Variants in CACNG3 observed in about 807,000 individuals in gnomAD.
CACNG3 encodes voltage-dependent calcium channel gamma-3 subunit.
Under a neutral mutation model 28.5 loss-of-function variants are expected in CACNG3, and 3 were observed. The observed-to-expected ratio is 0.11, with a 90% CI of 0.05 to 0.27. The LOEUF (loss-of-function observed/expected upper bound fraction) is 0.27. CACNG3 is among the 10% of genes least tolerant of loss of function. The probability of loss-of-function intolerance (pLI) is 1.00; values close to 1 mark genes in which losing one functional copy is unlikely to be tolerated. For synonymous variants in CACNG3, 174 were observed against 162.2 expected, an observed-to-expected ratio of 1.07 and a Z score of -0.55; for missense variants, 236 against 414.4, an observed-to-expected ratio of 0.57 and a Z score of 3.74.
chr16:24,257,373 GA>G (rs1898476221), intron 1 of CACNG3, among the ~76,000 whole-genome samples: 1 of 19,358 alleles, frequency 5.2e-5, no homozygotes, highest in Non-Finnish European at 1.1e-4. Flanking sequence ...AGGGGGGAGA[GA>G]GAGAGAGAGA....
chr16:24,303,305 C>A (rs1382719517), intron 1 of CACNG3, among the ~76,000 whole-genome samples: 2 of 152,098 alleles, frequency 1.3e-5, no homozygotes, highest in African/African-American at 4.8e-5. Flanking sequence ...AAGGTCTTCT[C>A]ATGGTTGGCT....
chr16:24,307,916 G>T (rs1450788422), intron 1 of CACNG3, among the ~76,000 whole-genome samples: 1 of 152,164 alleles, frequency 6.6e-6, no homozygotes, highest in Non-Finnish European at 1.5e-5. Flanking sequence ...CCCAAGATGA[G>T]GTGGGCTGGG....
chr16:24,280,158 C>G (rs1898805662), intron 1 of CACNG3, among the ~76,000 whole-genome samples: 3 of 152,214 alleles, frequency 2.0e-5, no homozygotes, highest in African/African-American at 4.8e-5. Flanking sequence ...TAATTAGGCA[C>G]AGATAGAGTT....
intron 1 of CACNG3, among the ~76,000 whole-genome samples, chr16:24,300,296 CT>C (rs985124141): frequency 3.3e-5 from 5 of 152,124 alleles, no homozygotes; most frequent in Non-Finnish European, 7.3e-5. Flanking sequence ...GCTCTCGAAT[CT>C]GTACACAGGG....
intron 1 of CACNG3, among the ~76,000 whole-genome samples, chr16:24,342,304 A>C (rs1356740018): frequency 6.6e-6 from 1 of 152,222 alleles, no homozygotes; most frequent in African/African-American, 2.4e-5. Context: ...AAAATGCAGA[A>C]GCTTACTTAA....
intron 1 of CACNG3, among the ~76,000 whole-genome samples, chr16:24,269,411 G>A (rs1325509139): frequency 6.6e-6 from 1 of 152,050 alleles, no homozygotes; most frequent in East Asian, 1.9e-4. Context: ...AGCCTCAATT[G>A]TTTACAATTC....
At chr16:24,349,763 G>C (rs555814376) in intron 2 of CACNG3, among the ~76,000 whole-genome samples, 2 of 152,268 alleles carry the variant, frequency 1.3e-5, no homozygotes, top group Non-Finnish European at 2.9e-5. Context: ...TTTGTGACCT[G>C]TATCTTGTGT....
intron 1 of CACNG3, among the ~76,000 whole-genome samples, chr16:24,317,829 C>T (rs184951981): frequency 2.6e-5 from 4 of 152,336 alleles, no homozygotes; most frequent in Admixed American, 2.6e-4. Context: ...CTGACCCCCA[C>T]TCCTAGGGAT....
chr16:24,314,253 A>C (rs1899315864), intron 1 of CACNG3, among the ~76,000 whole-genome samples: 1 of 152,202 alleles, frequency 6.6e-6, no homozygotes, highest in Non-Finnish European at 1.5e-5. Flanking sequence ...TTGGTTCAAA[A>C]AAGTGTTAAG....
chr16:24,304,766 T>G (rs1221361666), intron 1 of CACNG3, among the ~76,000 whole-genome samples: 1 of 152,158 alleles, frequency 6.6e-6, no homozygotes, highest in African/African-American at 2.4e-5. Flanking sequence ...CTCACCATGT[T>G]GCCCAGGCTG....
intron 1 of CACNG3, among the ~76,000 whole-genome samples, chr16:24,284,485 T>G (rs937102019): frequency 2.0e-5 from 3 of 152,196 alleles, no homozygotes; most frequent in Admixed American, 1.3e-4. Flanking sequence ...TTCATTTTAT[T>G]CCAAATCTGT....
At chr16:24,307,902 A>G (rs1418923569) in intron 1 of CACNG3, among the ~76,000 whole-genome samples, 1 of 152,140 alleles carries the variant, frequency 6.6e-6, no homozygotes, top group Non-Finnish European at 1.5e-5. Flanking sequence ...GGTTGGTGGT[A>G]TCTCCCAAGA....
Position 24,287,465 on chromosome 16 carries a change from C to T in CACNG3, c.211+30500C>T, listed in dbSNP as rs373322173. 1.2e-3 allele frequency among the ~76,000 whole-genome samples: 177 copies of T among 147,694 alleles called. 6 individuals carry two copies. In the South Asian group the frequency reaches 0.037, roughly 31 times the overall value. Reference sequence around the variant, plus strand: ...CCCAAGAGGCGGAGGTTGCAGTGAGCCGAGATCAAGCCACTGCACTCCAGC... The same window carrying T: ...CCCAAGAGGCGGAGGTTGCAGTGAGTCGAGATCAAGCCACTGCACTCCAGC... On this transcript the variant is annotated intron_variant, in intron 1 of 3. Coordinates refer to ENST00000005284, the MANE Select transcript of CACNG3 (RefSeq NM_006539.4).
intron 1 of CACNG3, among the ~76,000 whole-genome samples, chr16:24,259,222 A>G (rs930524663): frequency 6.6e-6 from 1 of 152,240 alleles, no homozygotes; most frequent in Non-Finnish European, 1.5e-5. Flanking sequence ...ACAAATCACA[A>G]TGAATCACAA....
intron 3 of CACNG3, among the ~76,000 whole-genome samples, chr16:24,355,457 C>G (rs913658098): frequency 6.6e-6 from 1 of 152,078 alleles, no homozygotes; most frequent in South Asian, 2.1e-4. Flanking sequence ...GTGGTGCACA[C>G]CTGTGGTCCC....
At chr16:24,272,999 C>T (rs1348703363) in intron 1 of CACNG3, among the ~76,000 whole-genome samples, 1 of 152,080 alleles carries the variant, frequency 6.6e-6, no homozygotes, top group Admixed American at 6.6e-5. Flanking sequence ...CTTCTCCCAC[C>T]CTCTACCCTC....
At chr16:24,286,782 T>A (rs1898901311) in intron 1 of CACNG3, among the ~76,000 whole-genome samples, 1 of 152,200 alleles carries the variant, frequency 6.6e-6, no homozygotes, top group Non-Finnish European at 1.5e-5. Flanking sequence ...ACGCAACTGG[T>A]AGGTGGTATA....
Position 24,358,473 on chromosome 16 carries a change from C to T in CACNG3, c.437-2879C>T, listed in dbSNP as rs149253077. On this transcript the variant is annotated intron_variant, in intron 3 of 3. Transcript: ENST00000005284. Reference sequence around the variant, plus strand: ...TGCCTATCATCCAGTATGTCTTCAACACATAGTAGCTGTTATCATGTACAA... The same window carrying T: ...TGCCTATCATCCAGTATGTCTTCAATACATAGTAGCTGTTATCATGTACAA... Among the ~76,000 whole-genome samples the T allele has an allele frequency of 2.3e-3, 353 of 152,340 alleles. 4 individuals are homozygous for T. Among genetic ancestry groups the T allele is most frequent in the African/African-American group, 7.7e-3 (322 of 41,588 alleles).
intron 1 of CACNG3, among the ~76,000 whole-genome samples, chr16:24,317,672 G>GA (rs1899395552): frequency 1.0e-5 from 1 of 96,412 alleles, no homozygotes; most frequent in East Asian, 3.1e-4. Flanking sequence ...AAGAAAGAAA[G>GA]AAAGAAAGAA....
Sources: allele counts gnomAD v4.1 joint callset (sites outside exome capture counted in the v4.1 genomes callset), GRCh38; gene constraint gnomAD v4.1.1; transcripts MANE v1.5; gene names NCBI Gene and HGNC (gene_info 2026-07-23, HGNC 2026-07-21).